The following DCP1A variants were observed in gnomAD, a reference collection of about 807,000 sequenced individuals.
DCP1A encodes mRNA-decapping enzyme 1A.
Under a neutral mutation model 58.0 loss-of-function variants are expected in DCP1A, and 20 were observed. That is an observed-to-expected ratio of 0.34 (90% CI 0.24 to 0.50). DCP1A has a LOEUF of 0.50. Ranked by LOEUF, DCP1A falls within the 20% of genes least tolerant of loss-of-function variation. The pLI, the probability that DCP1A is intolerant of heterozygous loss-of-function variation, is 0.98. For synonymous variants in DCP1A, 285 were observed against 275.1 expected (o/e 1.04, Z -0.36); for missense variants, 613 against 712.2 (o/e 0.86, Z 1.59).
intron 3 of DCP1A, among the ~76,000 whole-genome samples, chr3:53,330,754 T>A (rs1294166327): frequency 6.6e-6 from 1 of 151,640 alleles, no homozygotes; most frequent in Non-Finnish European, 1.5e-5. Flanking sequence ...GTCACTGAAT[T>A]AAGGTATGTA....
chr3:53,293,634 G>C (rs1453970215), intron 6 of DCP1A, among the ~76,000 whole-genome samples: 1 of 152,128 alleles, frequency 6.6e-6, no homozygotes, highest in Non-Finnish European at 1.5e-5. Flanking sequence ...CCTAAAATGA[G>C]TGAATTAGTT....
intron 3 of DCP1A, among the ~76,000 whole-genome samples, chr3:53,341,538 A>G (rs1313234847): frequency 6.6e-6 from 1 of 152,186 alleles, no homozygotes; most frequent in Non-Finnish European, 1.5e-5. Flanking sequence ...GTGTGTCCCA[A>G]ACTAAGTTCT....
At chr3:53,335,343 G>A (rs1366176664) in intron 3 of DCP1A, among the ~76,000 whole-genome samples, 3 of 148,240 alleles carry the variant, frequency 2.0e-5, no homozygotes, top group African/African-American at 7.5e-5. Flanking sequence ...GTTTCACCAT[G>A]TTGGCCAGAC....
At position 53,284,796 on chromosome 3, in the gene DCP1A, T is replaced by A. The variant is rs782002215; in HGVS notation, c.*2784A>T. 1 of 152,104 alleles carries A rather than the reference T, an allele frequency of 6.6e-6. No homozygotes were observed. The highest frequency in any genetic ancestry group is 2.4e-5 in the African/African-American group (1 of 41,394). The allele number at this position is 152,104 out of a possible 1,614,324, so 9.4% of individuals were successfully genotyped here. ...AATACCACTCTCTGTGATGGCTACA[T>A]CTAAGCCTTTGAAGGTGAGCTGTGG... On this transcript the variant is annotated 3_prime_UTR_variant, in exon 10 of 10. Transcript: ENST00000610213.
chr3:53,317,069 A>G (rs1010125759), intron 4 of DCP1A, among the ~76,000 whole-genome samples: 8 of 152,200 alleles, frequency 5.3e-5, no homozygotes, highest in Non-Finnish European at 8.8e-5. Flanking sequence ...CTGCAGGAGA[A>G]AGTGTTTATA....
intron 4 of DCP1A, among the ~76,000 whole-genome samples, chr3:53,315,021 G>C (rs898225533): frequency 6.6e-6 from 1 of 152,078 alleles, no homozygotes; most frequent in African/African-American, 2.4e-5. Flanking sequence ...AGAAGCTGTC[G>C]GGGGTGGTAA....
At chr3:53,319,386 T>A (rs1411363010) in intron 4 of DCP1A, 21 bp downstream of exon 4, 1 of 1,459,644 alleles carries the variant, frequency 6.9e-7, no homozygotes, top group Non-Finnish European at 9.3e-7. Context: ...ATCAGTTAAA[T>A]TTATGGAGTA....
intron 6 of DCP1A, among the ~76,000 whole-genome samples, chr3:53,294,849 G>C (rs1453824677): frequency 6.6e-6 from 1 of 152,224 alleles, no homozygotes; most frequent in East Asian, 1.9e-4. Flanking sequence ...AACATGGAAA[G>C]CGAATTTGCC....
chr3:53,304,697 C>T (rs930427867), intron 5 of DCP1A, among the ~76,000 whole-genome samples: 5 of 152,032 alleles, frequency 3.3e-5, no homozygotes, highest in Admixed American at 2.6e-4. Context: ...CTCAGCCTCC[C>T]GAGTAGCTGG....
Position 53,328,769 on chromosome 3 carries a change from C to T in DCP1A, c.305-9296G>A, listed in dbSNP as rs80013122. On this transcript the variant is annotated intron_variant, in intron 3 of 9. Transcript: ENST00000610213. ...ACTAACAGTGTCACTGAGTCAGACT[C>T]AGCCACTGAGCCTTAAGTCCCTCTA... Among the ~76,000 whole-genome samples, 8 of 152,330 alleles carry T rather than the reference C, an allele frequency of 5.3e-5. No individual in the cohort carries two copies. In the East Asian group the frequency reaches 1.5e-3, roughly 29 times the overall value.
In DCP1A at chr3:53,292,549, C is replaced by T; in HGVS notation, c.903G>A (p.Gln301=). The T allele has an allele frequency of 6.2e-7, 1 of 1,613,936 alleles. No individual in the cohort carries two copies. Among genetic ancestry groups the T allele is most frequent in the Non-Finnish European group, 8.5e-7 (1 of 1,179,898 alleles). ...PVLITPASIT[Q]SNEKHAPTYT... is the part of the protein sequence containing the mutation. ...AGGTTGGAGCATGCTTTTCATTGGA[C>T]TGTGTGATGGAGGCTGGAGTGATTA... Residue 301 remains glutamine (Q), a synonymous_variant, in exon 7 of 10, where the codon CAG becomes CAA. Coordinates refer to ENST00000610213, the MANE Select transcript of DCP1A (RefSeq NM_018403.7).
In DCP1A at chr3:53,312,295, G is replaced by A. The variant is rs782010026; in HGVS notation, c.456C>T (p.His152=). ...GCATCTCCAGGATGTCGATGGGCCT[G>A]TGGTCGCTGCAGCCATTGGCCTGGC... ...SPSQANGCSD[H]RPIDILEMLS... Residue 152 remains histidine (H), a synonymous_variant, in exon 5 of 10, where the codon CAC becomes CAT. Coordinates refer to ENST00000610213, the MANE Select transcript of DCP1A (RefSeq NM_018403.7). The A allele has an allele frequency of 2.5e-6, 4 of 1,613,532 alleles. No individual in the cohort carries two copies. Among genetic ancestry groups the A allele is most frequent in the Non-Finnish European group, 3.4e-6 (4 of 1,179,756 alleles).
intron 3 of DCP1A, among the ~76,000 whole-genome samples, chr3:53,322,564 A>G (rs1368932929): frequency 6.6e-6 from 1 of 152,040 alleles, no homozygotes; most frequent in African/African-American, 2.4e-5. Flanking sequence ...ATTGATACAC[A>G]CAGCAAGTGA....
intron 5 of DCP1A, among the ~76,000 whole-genome samples, chr3:53,304,686 C>T (rs920224812): frequency 1.3e-5 from 2 of 152,092 alleles, no homozygotes; most frequent in East Asian, 3.9e-4. Context: ...GATTCTCCTG[C>T]CTCAGCCTCC....
chr3:53,312,497 T>TC (rs1202879477), intron 4 of DCP1A, 118 bp from the exon 5 acceptor site: 58 of 462,814 alleles, frequency 1.3e-4, no homozygotes, highest in Non-Finnish European at 1.5e-4. Context: ...ACATTCTTCT[T>TC]TTTTTTTTTT....
intron 8 of DCP1A, 85 bp downstream of exon 8, chr3:53,290,706 G>A (rs1170105238): frequency 9.9e-7 from 1 of 1,008,096 alleles, no homozygotes; most frequent in African/African-American, 2.0e-5. Context: ...CAAATTCCTT[G>A]TTCTACTCTT....
At chr3:53,318,445 G>A (rs1707874326) in intron 4 of DCP1A, among the ~76,000 whole-genome samples, 1 of 152,198 alleles carries the variant, frequency 6.6e-6, no homozygotes, top group Non-Finnish European at 1.5e-5. Context: ...TGGGGATGGT[G>A]GAGGGGGGAG....
At chr3:53,304,156 T>C (rs1707394159) in intron 6 of DCP1A, 21 bp downstream of exon 6, 3 of 1,555,710 alleles carry the variant, frequency 1.9e-6, no homozygotes, top group East Asian at 4.5e-5. Flanking sequence ...AGGACAAAGC[T>C]AGAGCTTTAG....
chr3:53,287,327 C>A lies in DCP1A; in HGVS notation c.*253G>T. 1 of 390,418 alleles carries A rather than the reference C, an allele frequency of 2.6e-6. No individual in the cohort carries two copies. Among genetic ancestry groups the A allele is most frequent in the Non-Finnish European group, 4.5e-6 (1 of 221,736 alleles). The allele number at this position is 390,418 out of a possible 1,614,324, so 24.2% of individuals were successfully genotyped here. On this transcript the variant is annotated 3_prime_UTR_variant, in exon 10 of 10. Transcript: ENST00000610213. ...TGATGAAAACACCCACATAACTTAA[C>A]ACAATGATCGCTCTCTTTTTTTTTT...
Sources: allele counts gnomAD v4.1 joint callset (sites outside exome capture counted in the v4.1 genomes callset), GRCh38; gene constraint gnomAD v4.1.1; transcripts MANE v1.5; gene names NCBI Gene and HGNC (gene_info 2026-07-23, HGNC 2026-07-21).